The following WDFY3 variants were observed in gnomAD, a reference collection of about 807,000 sequenced individuals.
WDFY3 encodes WD repeat and FYVE domain-containing protein 3.
A neutral mutation model predicts 409.6 loss-of-function variants in WDFY3; 66 were observed. The observed-to-expected ratio is 0.16, with a 90% CI of 0.13 to 0.20. The LOEUF (loss-of-function observed/expected upper bound fraction) is 0.20. Among genes scored for constraint, WDFY3 ranks in the 10% least tolerant of loss-of-function variants. The probability of loss-of-function intolerance (pLI) is 1.00; values close to 1 mark genes in which losing one functional copy is unlikely to be tolerated. For missense variants in WDFY3, 3,031 were observed against 4,298.1 expected, an observed-to-expected ratio of 0.71 and a Z score of 8.24; for synonymous variants, 1,521 against 1,537.1, an observed-to-expected ratio of 0.99 and a Z score of 0.25.
intron 3 of WDFY3, among the ~76,000 whole-genome samples, chr4:84,871,144 T>C (rs1048067349): frequency 1.3e-5 from 2 of 151,964 alleles, no homozygotes; most frequent in African/African-American, 4.8e-5. Flanking sequence ...ACATGATAAA[T>C]ACCTAAAAGA....
chr4:84,902,541 C>T (rs1035275148), intron 2 of WDFY3, among the ~76,000 whole-genome samples: 3 of 152,116 alleles, frequency 2.0e-5, no homozygotes, highest in Non-Finnish European at 4.4e-5. Flanking sequence ...GGAGTGACCA[C>T]TAATCTTCTG....
At chr4:84,798,191 A>T (rs1749841164) in intron 17 of WDFY3, 83 bp from the exon 18 acceptor site, 5 of 1,204,668 alleles carry the variant, frequency 4.2e-6, no homozygotes, top group Admixed American at 2.4e-5. Flanking sequence ...AAAGAATTTA[A>T]TAAATTCCAA....
At chr4:84,858,127 TA>T (rs2150178542) in intron 4 of WDFY3, among the ~76,000 whole-genome samples, 1 of 152,246 alleles carries the variant, frequency 6.6e-6, no homozygotes, top group African/African-American at 2.4e-5. Flanking sequence ...ACAAAAACAA[TA>T]ATAGATACAA....
At chr4:84,697,769 T>C (rs1339547944) in intron 56 of WDFY3, among the ~76,000 whole-genome samples, 1 of 152,230 alleles carries the variant, frequency 6.6e-6, no homozygotes, top group African/African-American at 2.4e-5. Flanking sequence ...AGCAGTTGGT[T>C]AGATAAATAC....
intron 2 of WDFY3, among the ~76,000 whole-genome samples, chr4:84,919,567 G>C (rs1038123284): frequency 1.3e-5 from 2 of 152,116 alleles, no homozygotes; most frequent in African/African-American, 4.8e-5. Flanking sequence ...GGAGGGACCT[G>C]GTGGGAGGTA....
At chr4:84,835,069 T>G (rs1756379483) in intron 7 of WDFY3, among the ~76,000 whole-genome samples, 3 of 152,208 alleles carry the variant, frequency 2.0e-5, no homozygotes, top group Non-Finnish European at 4.4e-5. Flanking sequence ...AGGAGTTTGA[T>G]TTAAATTATG....
At chr4:84,770,191 G>T (rs757220730) in intron 30 of WDFY3, among the ~76,000 whole-genome samples, 2 of 151,688 alleles carry the variant, frequency 1.3e-5, no homozygotes, top group Non-Finnish European at 2.9e-5. Context: ...ACCACGCCTG[G>T]CTAATTTTTT....
chr4:84,803,914 G>C (rs1186781238), intron 15 of WDFY3: 1 of 154,026 alleles, frequency 6.5e-6, no homozygotes, highest in African/African-American at 2.4e-5. Flanking sequence ...CTTAGTGCAT[G>C]AGTAACACAA....
intron 13 of WDFY3, among the ~76,000 whole-genome samples, chr4:84,815,914 T>C (rs1047342006): frequency 1.3e-5 from 2 of 152,198 alleles, no homozygotes; most frequent in African/African-American, 2.4e-5. Flanking sequence ...CTATCTTTAG[T>C]ATCCAGTGAT....
At chr4:84,881,536 G>A (rs1333436481) in intron 3 of WDFY3, among the ~76,000 whole-genome samples, 1 of 151,250 alleles carries the variant, frequency 6.6e-6, no homozygotes, top group Non-Finnish European at 1.5e-5. Flanking sequence ...TTGTTTTCCA[G>A]GAAACAACCT....
At chr4:84,694,874 GCTAT>G (rs1729837914) in intron 58 of WDFY3, among the ~76,000 whole-genome samples, 1 of 152,158 alleles carries the variant, frequency 6.6e-6, no homozygotes, top group African/African-American at 2.4e-5. Context: ...AGCATGTCCT[GCTAT>G]CTATCATGGC....
intron 10 of WDFY3, among the ~76,000 whole-genome samples, chr4:84,825,490 A>T (rs1007407227): frequency 6.6e-6 from 1 of 151,284 alleles, no homozygotes; most frequent in African/African-American, 2.4e-5. Flanking sequence ...TGTAGCTGGG[A>T]TTACAGGTGT....
Position 84,857,737 on chromosome 4 carries a change from CCTCT to C in WDFY3, c.180+2671_180+2674del, listed in dbSNP as rs145087945. Among the ~76,000 whole-genome samples the C allele has an allele frequency of 2.0e-5, 3 of 152,228 alleles. No individual in the cohort carries two copies. In the East Asian group the frequency reaches 5.8e-4, roughly 29 times the overall value. ...CACGTTCCTACTCTACCATCTCCTCCCTCTATCATTCTCAGCAGATAATCTATCC... is the reference window on the plus strand; with the variant it reads ...CACGTTCCTACTCTACCATCTCCTCCATCATTCTCAGCAGATAATCTATCC... On this transcript the variant is annotated intron_variant, in intron 4 of 67. Coordinates refer to ENST00000295888, the MANE Select transcript of WDFY3 (RefSeq NM_014991.6).
At chr4:84,881,622 C>T (rs2150404024) in intron 3 of WDFY3, among the ~76,000 whole-genome samples, 1 of 151,734 alleles carries the variant, frequency 6.6e-6, no homozygotes, top group Middle Eastern at 3.4e-3. Context: ...TGCAGTGGCT[C>T]ACGCCTGTAA....
At chr4:84,950,757 T>C (rs1475579469) in intron 1 of WDFY3, among the ~76,000 whole-genome samples, 4 of 152,114 alleles carry the variant, frequency 2.6e-5, no homozygotes. Context: ...ATCACTGCAC[T>C]CCAGCCTGGG....
At chr4:84,909,560 C>A (rs780231521) in intron 2 of WDFY3, among the ~76,000 whole-genome samples, 2 of 151,982 alleles carry the variant, frequency 1.3e-5, no homozygotes, top group Non-Finnish European at 2.9e-5. Context: ...ATAAAAATAA[C>A]CTAAATACAG....
At chr4:84,693,363 C>G (rs989891947) in intron 58 of WDFY3, among the ~76,000 whole-genome samples, 4 of 152,156 alleles carry the variant, frequency 2.6e-5, no homozygotes, top group African/African-American at 9.7e-5. Context: ...AAAGTTAACT[C>G]TCAGTAGCCT....
intron 21 of WDFY3, 129 bp from the exon 22 acceptor site, chr4:84,790,036 A>G (rs994736022): frequency 9.6e-7 from 1 of 1,040,652 alleles, no homozygotes; most frequent in Non-Finnish European, 1.4e-6. Context: ...TTTGAGTAAT[A>G]ATACAACTCT....
chr4:84,777,929 G>A (rs1745829853), intron 27 of WDFY3, among the ~76,000 whole-genome samples: 1 of 152,100 alleles, frequency 6.6e-6, no homozygotes, highest in African/African-American at 2.4e-5. Flanking sequence ...AGAACAGAGT[G>A]TAAGCTGTTA....
Sources: allele counts gnomAD v4.1 joint callset (sites outside exome capture counted in the v4.1 genomes callset), GRCh38; gene constraint gnomAD v4.1.1; transcripts MANE v1.5; gene names NCBI Gene and HGNC (gene_info 2026-07-23, HGNC 2026-07-21).